The following NRG3 variants were observed in gnomAD, a reference collection of about 807,000 sequenced individuals.
NRG3 encodes the protein pro-neuregulin-3, membrane-bound isoform.
A neutral mutation model predicts 66.9 loss-of-function variants in NRG3; 31 were observed. The ratio of observed to expected loss-of-function variants is 0.46; its 90% CI spans 0.35 to 0.63. The LOEUF is 0.63. NRG3 is among the 20% of genes least tolerant of loss of function. The probability of loss-of-function intolerance (pLI) is 0.00; values close to 1 mark genes in which losing one functional copy is unlikely to be tolerated. For synonymous variants in NRG3, 393 were observed against 359.4 expected, an observed-to-expected ratio of 1.09 and a Z score of -1.06; for missense variants, 910 against 878.9, an observed-to-expected ratio of 1.04 and a Z score of -0.45.
chr10:82,704,161 C>A (rs1316355707), intron 2 of NRG3, among the ~76,000 whole-genome samples: 1 of 152,098 alleles, frequency 6.6e-6, no homozygotes, highest in Non-Finnish European at 1.5e-5. Context: ...CATGTTAGAA[C>A]CTTGAGCAAT....
chr10:82,597,528 G>T (rs1359792918), intron 2 of NRG3, among the ~76,000 whole-genome samples: 1 of 152,084 alleles, frequency 6.6e-6, no homozygotes, highest in Non-Finnish European at 1.5e-5. Flanking sequence ...AGAAGCAGGG[G>T]CAGGTTTCCT....
intron 1 of NRG3, among the ~76,000 whole-genome samples, chr10:82,144,827 T>C (rs923356117): frequency 3.3e-5 from 5 of 152,204 alleles, no homozygotes; most frequent in African/African-American, 1.2e-4. Flanking sequence ...CTGAAGCATC[T>C]AATGGTTTGT....
chr10:82,156,556 T>C (rs1358865970), intron 1 of NRG3, among the ~76,000 whole-genome samples: 1 of 151,692 alleles, frequency 6.6e-6, no homozygotes, highest in African/African-American at 2.4e-5. Context: ...GTGAAGTGTC[T>C]TATTAACATA....
chr10:82,716,165 A>G (rs148727429), intron 2 of NRG3, among the ~76,000 whole-genome samples: 353 of 152,326 alleles, frequency 2.3e-3, no homozygotes, highest in South Asian at 7.9e-3. Flanking sequence ...CGAGTGATTG[A>G]CAGAATAATT....
chr10:82,520,981 A>G (rs1307509968), intron 2 of NRG3, among the ~76,000 whole-genome samples: 1 of 152,142 alleles, frequency 6.6e-6, no homozygotes, highest in Admixed American at 6.5e-5. Context: ...TCAGATAAAA[A>G]ATAATTTTTA....
intron 6 of NRG3, among the ~76,000 whole-genome samples, chr10:82,973,453 G>A (rs1473597277): frequency 6.6e-6 from 1 of 152,138 alleles, no homozygotes; most frequent in Non-Finnish European, 1.5e-5. Context: ...TTGGTAAGAT[G>A]TACATCAACT....
chr10:82,938,033 A>T (rs1041683383), intron 4 of NRG3, among the ~76,000 whole-genome samples: 4 of 152,182 alleles, frequency 2.6e-5, no homozygotes, highest in African/African-American at 9.7e-5. Context: ...GCTATTCTGT[A>T]TTGAAGTGAT....
chr10:82,646,698 A>C (rs920723745), intron 2 of NRG3, among the ~76,000 whole-genome samples: 1 of 152,138 alleles, frequency 6.6e-6, no homozygotes, highest in Non-Finnish European at 1.5e-5. Flanking sequence ...AAGAGACAGA[A>C]GTGTTCTTAG....
At chr10:81,924,035 A>G (rs1250290726) in intron 1 of NRG3, among the ~76,000 whole-genome samples, 1 of 152,210 alleles carries the variant, frequency 6.6e-6, no homozygotes, top group Non-Finnish European at 1.5e-5. Context: ...AGTGGACAGG[A>G]TACAGGCAGG....
chr10:82,360,269 A>G (rs1338648719), intron 2 of NRG3, among the ~76,000 whole-genome samples: 1 of 152,226 alleles, frequency 6.6e-6, no homozygotes, highest in East Asian at 1.9e-4. Context: ...AAGTGACATT[A>G]AGACCTTAAG....
intron 2 of NRG3, among the ~76,000 whole-genome samples, chr10:82,698,344 G>A (rs998770394): frequency 1.3e-5 from 2 of 152,060 alleles, no homozygotes; most frequent in Non-Finnish European, 2.9e-5. Flanking sequence ...TGTGCTTAAA[G>A]AAGCAGGAAA....
intron 2 of NRG3, among the ~76,000 whole-genome samples, chr10:82,376,163 C>T (rs962046982): frequency 6.6e-6 from 1 of 152,124 alleles, no homozygotes; most frequent in African/African-American, 2.4e-5. Context: ...TGTCGCTGAA[C>T]GTGCGTCTGG....
chr10:82,398,518 T>A (rs1290717882), intron 2 of NRG3, among the ~76,000 whole-genome samples: 9 of 142,930 alleles, frequency 6.3e-5, no homozygotes, highest in East Asian at 4.1e-4. Context: ...TGTGTGTGTG[T>A]GTGTGTGTGA....
rs529053015 is a variant in NRG3, at chr10:82,839,016, C to T, written c.1028-26395C>T. On this transcript the variant is annotated intron_variant, in intron 3 of 8. Coordinates refer to ENST00000372141, the MANE Select transcript of NRG3 (RefSeq NM_001010848.4). Reference sequence around the variant, plus strand: ...ATCTTGTGAGACTTATTCACTACCACGAGAACAGTATGGGGAAAACCGCTC... The same window carrying T: ...ATCTTGTGAGACTTATTCACTACCATGAGAACAGTATGGGGAAAACCGCTC... Among the ~76,000 whole-genome samples the T allele has an allele frequency of 6.4e-4, 98 of 152,202 alleles. 1 individual carries two copies. Among genetic ancestry groups the T allele is most frequent in the African/African-American group, 2.1e-3 (88 of 41,542 alleles).
At chr10:82,138,205 C>G (rs2069506267) in intron 1 of NRG3, among the ~76,000 whole-genome samples, 1 of 152,024 alleles carries the variant, frequency 6.6e-6, no homozygotes, top group Non-Finnish European at 1.5e-5. Context: ...TGCTCTTTTA[C>G]TTATCCCTTC....
At chr10:82,416,476 A>G (rs867255240) in intron 2 of NRG3, among the ~76,000 whole-genome samples, 30 of 152,204 alleles carry the variant, frequency 2.0e-4, no homozygotes, top group Admixed American at 2.0e-3. Context: ...GGTTGTCCAT[A>G]GAATGAAAAG....
chr10:82,749,329 C>T (rs1168915012), intron 3 of NRG3, among the ~76,000 whole-genome samples: 1 of 151,808 alleles, frequency 6.6e-6, no homozygotes, highest in Admixed American at 6.6e-5. Flanking sequence ...GCTTATAGGG[C>T]ACCTACAGCT....
chr10:82,327,865 T>G (rs1350954968), intron 1 of NRG3, among the ~76,000 whole-genome samples: 2 of 152,200 alleles, frequency 1.3e-5, no homozygotes, highest in Admixed American at 6.5e-5. Flanking sequence ...TCTTTTTCCT[T>G]GGCTTGTAGT....
At chr10:81,880,326 G>A (rs1299525553) in intron 1 of NRG3, among the ~76,000 whole-genome samples, 1 of 152,072 alleles carries the variant, frequency 6.6e-6, no homozygotes, top group East Asian at 1.9e-4. Context: ...GTTGTTAATT[G>A]AGAGTCCCTT....
Sources: allele counts gnomAD v4.1 joint callset (sites outside exome capture counted in the v4.1 genomes callset), GRCh38; gene constraint gnomAD v4.1.1; transcripts MANE v1.5; gene names NCBI Gene and HGNC (gene_info 2026-07-23, HGNC 2026-07-21).